The following FAR2 variants were observed in gnomAD, a reference collection of about 807,000 sequenced individuals.
FAR2 encodes fatty acyl-CoA reductase 2.
FAR2 carries 19 observed loss-of-function variants against 56.0 expected under a neutral mutation model. The ratio of observed to expected loss-of-function variants is 0.34; its 90% CI spans 0.24 to 0.50. The LOEUF (loss-of-function observed/expected upper bound fraction) is 0.50, where lower values mean the gene tolerates loss of function less well. Ranked by LOEUF, FAR2 falls within the 20% of genes least tolerant of loss-of-function variation. The probability of loss-of-function intolerance (pLI) is 0.98; values close to 1 mark genes in which losing one functional copy is unlikely to be tolerated. For synonymous variants in FAR2, 219 were observed against 218.8 expected, an observed-to-expected ratio of 1.00 and a Z score of -0.01; for missense variants, 508 against 642.2, an observed-to-expected ratio of 0.79 and a Z score of 2.26.
At chr12:29,291,406 A>G (rs1565507953) in intron 2 of FAR2, 2 of 456,022 alleles carry the variant, frequency 4.4e-6, no homozygotes, top group Non-Finnish European at 8.8e-6. Flanking sequence ...TTGATTTTTC[A>G]TGCCTACAGT....
At chr12:29,245,639 T>G (rs1948115492) in intron 1 of FAR2, among the ~76,000 whole-genome samples, 1 of 152,218 alleles carries the variant, frequency 6.6e-6, no homozygotes, top group African/African-American at 2.4e-5. Flanking sequence ...GTTTCTTGTC[T>G]CATTCTCAGC....
chr12:29,210,259 A>G (rs1947528759), intron 1 of FAR2, among the ~76,000 whole-genome samples: 1 of 152,210 alleles, frequency 6.6e-6, no homozygotes, highest in Admixed American at 6.5e-5. Flanking sequence ...ATTCTGTTTT[A>G]GAAAAAAAGC....
intron 1 of FAR2, among the ~76,000 whole-genome samples, chr12:29,263,111 T>A (rs961067614): frequency 2.4e-4 from 37 of 152,124 alleles, no homozygotes; most frequent in Non-Finnish European, 5.1e-4. Context: ...TAATTGTAAA[T>A]ATATATGCAC....
intron 1 of FAR2, among the ~76,000 whole-genome samples, chr12:29,172,678 T>C (rs1949899324): frequency 6.6e-6 from 1 of 152,186 alleles, no homozygotes; most frequent in African/African-American, 2.4e-5. Context: ...GTAATAAACT[T>C]ATCTTTTAGG....
At chr12:29,157,106 T>TTATATATATATATATATATA (rs5797307) in intron 1 of FAR2, 3 of 73,450 alleles carry the variant, frequency 4.1e-5, no homozygotes, top group Non-Finnish European at 7.4e-5. Context: ...AAAGAACATT[T>TTATATATATATATATATATA]TATATATATA....
intron 10 of FAR2, among the ~76,000 whole-genome samples, chr12:29,323,497 C>G (rs190745042): frequency 2.6e-5 from 4 of 152,236 alleles, no homozygotes; most frequent in Admixed American, 6.5e-5. Flanking sequence ...AGGCACCCCC[C>G]AGTAGGGGCG....
At chr12:29,318,466 C>A (rs1047204763) in intron 9 of FAR2, among the ~76,000 whole-genome samples, 1 of 152,082 alleles carries the variant, frequency 6.6e-6, no homozygotes. Flanking sequence ...GGAAGAGACA[C>A]AATAAAAATC....
intron 1 of FAR2, among the ~76,000 whole-genome samples, chr12:29,203,946 G>A (rs1947446654): frequency 7.1e-6 from 1 of 139,950 alleles, no homozygotes; most frequent in African/African-American, 2.7e-5. Flanking sequence ...CTTGCAGTGA[G>A]CCGAGATTGC....
intron 2 of FAR2, among the ~76,000 whole-genome samples, chr12:29,285,062 C>T (rs1948851258): frequency 6.6e-6 from 1 of 152,010 alleles, no homozygotes; most frequent in Non-Finnish European, 1.5e-5. Context: ...AGGATGGTCT[C>T]GATCTCCTGA....
intron 1 of FAR2, among the ~76,000 whole-genome samples, chr12:29,179,845 A>T (rs1949975993): frequency 6.6e-6 from 1 of 152,170 alleles, no homozygotes; most frequent in African/African-American, 2.4e-5. Flanking sequence ...GATGGGAATA[A>T]TATGGGCCAT....
chr12:29,310,056 A>G (rs1949321968), intron 6 of FAR2, among the ~76,000 whole-genome samples: 1 of 152,182 alleles, frequency 6.6e-6, no homozygotes, highest in Admixed American at 6.5e-5. Flanking sequence ...ACAGTGACAA[A>G]GATCTTCCTT....
chr12:29,225,181 A>G (rs1200438400), intron 1 of FAR2, among the ~76,000 whole-genome samples: 1 of 152,146 alleles, frequency 6.6e-6, no homozygotes, highest in Non-Finnish European at 1.5e-5. Flanking sequence ...GGCTCCAGTG[A>G]CCTGTAATGG....
intron 1 of FAR2, among the ~76,000 whole-genome samples, chr12:29,212,565 C>G (rs758437581): frequency 2.6e-5 from 4 of 152,060 alleles, no homozygotes; most frequent in Admixed American, 6.6e-5. Context: ...ATAGATGACC[C>G]CCAAATTTGT....
chr12:29,259,223 G>C (rs1948376899), intron 1 of FAR2, among the ~76,000 whole-genome samples: 1 of 152,206 alleles, frequency 6.6e-6, no homozygotes, highest in Non-Finnish European at 1.5e-5. Context: ...ACGCCTGGCA[G>C]ATAGGGTCAG....
chr12:29,261,945 G>A (rs1001039249), intron 1 of FAR2, among the ~76,000 whole-genome samples: 2 of 152,178 alleles, frequency 1.3e-5, no homozygotes, highest in Non-Finnish European at 2.9e-5. Context: ...TGAGAGAAAA[G>A]GATGTTAATG....
chr12:29,257,891 G>A (rs1305153148), intron 1 of FAR2, among the ~76,000 whole-genome samples: 1 of 152,162 alleles, frequency 6.6e-6, no homozygotes, highest in African/African-American at 2.4e-5. Flanking sequence ...TCCGGCCACA[G>A]GATTACAGAC....
In FAR2 at chr12:29,224,596, T is replaced by C. The variant is rs151253489; in HGVS notation, c.-38-45816T>C. 1.2e-4 allele frequency among the ~76,000 whole-genome samples: 19 copies of C among 152,306 alleles called. No individual in the cohort carries two copies. The East Asian group carries it at 3.7e-3, about 29-fold the overall frequency. ...TTTTGCTTTTCATTAAATAATCAAC[T>C]TCAAAGTACTCAGAAGGCCGATGGT... On this transcript the variant is annotated intron_variant, in intron 1 of 11. Coordinates refer to ENST00000536681, the MANE Select transcript of FAR2 (RefSeq NM_001271783.2).
intron 1 of FAR2, among the ~76,000 whole-genome samples, chr12:29,206,070 C>T (rs923936865): frequency 6.6e-6 from 1 of 152,180 alleles, no homozygotes; most frequent in African/African-American, 2.4e-5. Context: ...TGCTGGGAAG[C>T]ATATTCAGCC....
At chr12:29,207,850 C>A (rs80098566) in intron 1 of FAR2, among the ~76,000 whole-genome samples, 1 of 152,112 alleles carries the variant, frequency 6.6e-6, no homozygotes, top group African/African-American at 2.4e-5. Context: ...CACTACTGTC[C>A]TAATGCAGGA....
Sources: allele counts gnomAD v4.1 joint callset (sites outside exome capture counted in the v4.1 genomes callset), GRCh38; gene constraint gnomAD v4.1.1; transcripts MANE v1.5; gene names NCBI Gene and HGNC (gene_info 2026-07-23, HGNC 2026-07-21).